KLHL29: variants seen among roughly 807,000 people sequenced by gnomAD.
The protein encoded by KLHL29 is kelch like family member 29, also known as kelch-like protein 29.
A neutral mutation model predicts 80.4 loss-of-function variants in KLHL29; 21 were observed. That is an observed-to-expected ratio of 0.26 (90% CI 0.19 to 0.38). The LOEUF (loss-of-function observed/expected upper bound fraction) is 0.38, where lower values mean the gene tolerates loss of function less well. Ranked by LOEUF, KLHL29 falls within the 10% of genes least tolerant of loss-of-function variation. KLHL29 has a pLI of 1.00. For missense variants in KLHL29, 867 were observed against 1,223.9 expected, an observed-to-expected ratio of 0.71 and a Z score of 4.35; for synonymous variants, 511 against 526.8, an observed-to-expected ratio of 0.97 and a Z score of 0.41.
chr2:23,509,570 A>G (rs1030586399), intron 2 of KLHL29, among the ~76,000 whole-genome samples: 2 of 152,162 alleles, frequency 1.3e-5, no homozygotes, highest in Non-Finnish European at 2.9e-5. Context: ...TGAAAAAAAA[A>G]TGAATTACTG....
rs974091201 is a variant in KLHL29, at chr2:23,457,626, A to G, written c.-153-17934A>G. Among the ~76,000 whole-genome samples the G allele has an allele frequency of 1.3e-5, 2 of 152,158 alleles. No individual in the cohort carries two copies. Among genetic ancestry groups the G allele is most frequent in the African/African-American group, 2.4e-5 (1 of 41,410 alleles). On this transcript the variant is annotated intron_variant, in intron 1 of 13. Transcript: ENST00000486442. This position sits in a 1 kb window ranked among gnomAD's most constrained non-coding sequence, Gnocchi z 4.3. ...CCACTGGTGCTGGATGGCCAACAAT[A>G]AATTCCCAGGCTCTGAAGCACCAGG...
At chr2:23,565,520 G>A (rs1667567308) in intron 3 of KLHL29, among the ~76,000 whole-genome samples, 1 of 152,212 alleles carries the variant, frequency 6.6e-6, no homozygotes, top group African/African-American at 2.4e-5. Context: ...GGGAGCTGGG[G>A]GGAAGAGGCC....
At chr2:23,554,329 C>T (rs1041563152) in intron 2 of KLHL29, among the ~76,000 whole-genome samples, 1 of 152,252 alleles carries the variant, frequency 6.6e-6, no homozygotes, top group Admixed American at 6.5e-5. Context: ...CTTGGCAGCA[C>T]GTCTCCCCCA....
chr2:23,633,134 C>T (rs1369054458), intron 3 of KLHL29, among the ~76,000 whole-genome samples: 1 of 152,098 alleles, frequency 6.6e-6, no homozygotes, highest in African/African-American at 2.4e-5. Context: ...TTGTGGGGAG[C>T]CCAGAGATGG....
At chr2:23,424,302 G>A (rs529190586) in intron 1 of KLHL29, among the ~76,000 whole-genome samples, 12 of 152,290 alleles carry the variant, frequency 7.9e-5, no homozygotes, top group South Asian at 4.1e-4. Flanking sequence ...GTGCGTGGGC[G>A]GGTGCATTTG....
intron 5 of KLHL29, chr2:23,644,367 C>T (rs1211272881): frequency 6.6e-6 from 1 of 152,218 alleles, no homozygotes; most frequent in East Asian, 1.9e-4. Context: ...ACTTCCAAGG[C>T]TATGCCAAAG....
At chr2:23,632,407 T>C (rs1398454831) in intron 3 of KLHL29, among the ~76,000 whole-genome samples, 1 of 152,252 alleles carries the variant, frequency 6.6e-6, no homozygotes, top group Non-Finnish European at 1.5e-5. Flanking sequence ...CACCCTGGTC[T>C]GAATATGTTT....
chr2:23,459,702 G>A lies in KLHL29; in HGVS notation c.-153-15858G>A, dbSNP rs996313722. 3.9e-5 allele frequency among the ~76,000 whole-genome samples: 6 copies of A among 152,228 alleles called. No homozygotes were observed. In the South Asian group the frequency reaches 8.3e-4, roughly 21 times the overall value. On this transcript the variant is annotated intron_variant, in intron 1 of 13. Transcript: ENST00000486442. Reference sequence around the variant, plus strand: ...ACTTGTCGGTGCATGCACTGTGATAGTGGTTAGTGCCCATGCCACATCAGT... The same window carrying A: ...ACTTGTCGGTGCATGCACTGTGATAATGGTTAGTGCCCATGCCACATCAGT...
chr2:23,574,823 C>T (rs1025191649), intron 3 of KLHL29, among the ~76,000 whole-genome samples: 2 of 152,198 alleles, frequency 1.3e-5, no homozygotes, highest in Admixed American at 6.5e-5. Flanking sequence ...TGACCCACCA[C>T]GCCATTTCCT....
Position 23,700,476 on chromosome 2 carries a change from C to T in KLHL29, c.2106-2710C>T, listed in dbSNP as rs548704378. Among the ~76,000 whole-genome samples the T allele has an allele frequency of 4.3e-4, 66 of 152,276 alleles. 1 individual carries two copies. Among genetic ancestry groups the T allele is most frequent in the African/African-American group, 1.5e-3 (64 of 41,542 alleles). ...AGGAGATTCCAGAGAATGGTGGCCACAGCACATCTCTTTCCAACTCCATGT... is the reference window on the plus strand; with the variant it reads ...AGGAGATTCCAGAGAATGGTGGCCATAGCACATCTCTTTCCAACTCCATGT... On this transcript the variant is annotated intron_variant, in intron 11 of 13. Coordinates refer to ENST00000486442, the MANE Select transcript of KLHL29 (RefSeq NM_052920.2). The surrounding 1 kb of genome is among the most constrained non-coding windows in gnomAD (Gnocchi z 4.6).
Position 23,562,386 on chromosome 2 carries a change from C to T in KLHL29, c.190C>T (p.Pro64Ser). ...GCTGCCCGTGGTGCCCTCCCGGCTG[C>T]CCACCCCGGCTACAGCTCCTGCTCC... The part of the protein sequence containing the change: ...LPLPVVPSRL[P>S]TPATAPAPCT... Residue 64 changes from proline (P) to serine (S), a missense_variant, in exon 3 of 14, where the codon CCC becomes TCC. By Grantham distance (74) the Pro-to-Ser change is moderately conservative. Around this residue, in one of 2 missense-constraint regions of KLHL29, gnomAD observed 424 missense variants for 456.9 expected, o/e 0.93. Coordinates refer to ENST00000486442, the MANE Select transcript of KLHL29 (RefSeq NM_052920.2). This position sits in a 1 kb window ranked among gnomAD's most constrained non-coding sequence, Gnocchi z 4.5. 6.5e-7 allele frequency: 1 copy of T among 1,539,326 alleles called. No homozygotes were observed. Among genetic ancestry groups the T allele is most frequent in the Non-Finnish European group, 8.7e-7 (1 of 1,145,978 alleles).
chr2:23,575,968 G>A (rs776345766), intron 3 of KLHL29, among the ~76,000 whole-genome samples: 10 of 152,196 alleles, frequency 6.6e-5, no homozygotes, highest in Non-Finnish European at 1.3e-4. Context: ...CTGAAAGTGA[G>A]GCCTCAGCTA....
intron 5 of KLHL29, among the ~76,000 whole-genome samples, chr2:23,646,394 C>A (rs1009318132): frequency 6.6e-6 from 1 of 152,208 alleles, no homozygotes; most frequent in African/African-American, 2.4e-5. Context: ...CCTTTTAAAG[C>A]CCCAAGCTCC....
rs1177909798 is a variant in KLHL29 at position 23,669,958 on chromosome 2, A to C, written c.941-14441A>C. On this transcript the variant is annotated intron_variant, in intron 5 of 13. Coordinates refer to ENST00000486442, the MANE Select transcript of KLHL29 (RefSeq NM_052920.2). This position sits in a 1 kb window ranked among gnomAD's most constrained non-coding sequence, Gnocchi z 4.3. ...AGGGACCCAAGCAGAGAGGGGTGTCAGTAAAGCCAGAAGCTCAGCTGAAAT... is the reference window on the plus strand; with the variant it reads ...AGGGACCCAAGCAGAGAGGGGTGTCCGTAAAGCCAGAAGCTCAGCTGAAAT... 6.6e-6 allele frequency among the ~76,000 whole-genome samples: 1 copy of C among 152,180 alleles called. No individual in the cohort carries two copies. Among genetic ancestry groups the C allele is most frequent in the East Asian group, 1.9e-4 (1 of 5,174 alleles).
chr2:23,553,172 A>G (rs1667173128), intron 2 of KLHL29, among the ~76,000 whole-genome samples: 1 of 152,230 alleles, frequency 6.6e-6, no homozygotes, highest in Non-Finnish European at 1.5e-5. Flanking sequence ...CCTGCAGCAG[A>G]TGCTGCTGGA....
chr2:23,430,213 A>G (rs1663130155), intron 1 of KLHL29, among the ~76,000 whole-genome samples: 1 of 152,160 alleles, frequency 6.6e-6, no homozygotes, highest in Non-Finnish European at 1.5e-5. Flanking sequence ...AAGCTGGGTG[A>G]GGGAGGCCTG....
At chr2:23,446,178 T>G (rs1000499149) in intron 1 of KLHL29, among the ~76,000 whole-genome samples, 3 of 151,850 alleles carry the variant, frequency 2.0e-5, no homozygotes, top group Non-Finnish European at 2.9e-5. Flanking sequence ...ACTTCATTAT[T>G]TAGTTAGCTG....
intron 1 of KLHL29, among the ~76,000 whole-genome samples, chr2:23,408,798 C>T (rs746579221): frequency 2.6e-5 from 4 of 152,298 alleles, no homozygotes; most frequent in African/African-American, 7.2e-5. Context: ...AACGGCCTCT[C>T]GTTGTGTCTT....
At chr2:23,521,568 C>A (rs1457061314) in intron 2 of KLHL29, among the ~76,000 whole-genome samples, 1 of 152,198 alleles carries the variant, frequency 6.6e-6, no homozygotes, top group South Asian at 2.1e-4. Flanking sequence ...CTCCTCTCTG[C>A]CTCCTCCCTG....
Sources: gnomAD v4.1 joint callset for allele counts (sites outside exome capture counted in the v4.1 genomes callset) on GRCh38, gnomAD v4.1.1 for gene constraint, gnomAD v4.1.1 regional missense constraint, Gnocchi (gnomAD v3.1) non-coding constraint, MANE v1.5 for transcripts, NCBI Gene and HGNC (gene_info 2026-07-23, HGNC 2026-07-21) for gene names.